COBLL1: variants seen among roughly 807,000 people sequenced by gnomAD.
COBLL1 encodes the protein cordon-bleu protein-like 1.
A neutral mutation model predicts 94.8 loss-of-function variants in COBLL1; 50 were observed. The ratio of observed to expected loss-of-function variants is 0.53; its 90% confidence interval spans 0.42 to 0.67. The LOEUF (loss-of-function observed/expected upper bound fraction) is 0.67, where lower values mean the gene tolerates loss of function less well. Ranked by LOEUF, COBLL1 falls within the 30% of genes least tolerant of loss-of-function variation. The probability of loss-of-function intolerance (pLI) is 0.00; values close to 1 mark genes in which losing one functional copy is unlikely to be tolerated. For synonymous variants in COBLL1, 448 were observed against 473.8 expected, an observed-to-expected ratio of 0.95 and a Z score of 0.71; for missense variants, 1,362 against 1,348.7, an observed-to-expected ratio of 1.01 and a Z score of -0.15.
At chr2:164,719,321 A>C (rs780483760) in intron 7 of COBLL1, among the ~76,000 whole-genome samples, 5 of 152,214 alleles carry the variant, frequency 3.3e-5, no homozygotes, top group Admixed American at 2.0e-4. Context: ...TTCAAATTGC[A>C]ACTGGAAGAA....
rs1340639247 is a variant in COBLL1 at position 164,729,923 on chromosome 2, T to C, written c.423A>G (p.Ile141Met). The change falls in exon 4 of 14, where the codon ATA (isoleucine) becomes ATG (methionine). Residue 141 changes from isoleucine to methionine, a missense_variant. Transcript: ENST00000652658. ...ATAATGGAATTCTTACCTCTGGTAT[T>C]ATAGGTGTAGGTTTTTTCTTATCCA... is the stretch of plus-strand genomic sequence containing the variant. Reference protein sequence around the residue: ...KMLDKKKPTPIIPEKTVRVVI... With the variant: ...KMLDKKKPTPMIPEKTVRVVI... 6.2e-7 allele frequency: 1 copy of C among 1,611,464 alleles called. No homozygotes were observed. Among genetic ancestry groups the C allele is most frequent in the Non-Finnish European group, 8.5e-7 (1 of 1,178,074 alleles).
chr2:164,818,257 C>CATATGTAT (rs1684899506), intron 2 of COBLL1, among the ~76,000 whole-genome samples: 1 of 107,776 alleles, frequency 9.3e-6, no homozygotes, highest in Admixed American at 9.6e-5. Context: ...TGTGCATATA[C>CATATGTAT]ACATATACAC....
At chr2:164,667,918 T>C (rs1220730723) in intron 1 of COBLL1, among the ~76,000 whole-genome samples, 1 of 152,146 alleles carries the variant, frequency 6.6e-6, no homozygotes, top group African/African-American at 2.4e-5. Flanking sequence ...AACTTGGCTG[T>C]TTGGTATAAT....
intron 2 of COBLL1, among the ~76,000 whole-genome samples, chr2:164,828,656 T>C (rs1685551565): frequency 6.6e-6 from 1 of 152,178 alleles, no homozygotes; most frequent in African/African-American, 2.4e-5. Flanking sequence ...CAGTAGCCAC[T>C]ACACACATCA....
chr2:164,779,784 G>A lies in COBLL1; in HGVS notation c.42-35909C>T, dbSNP rs192045366. On this transcript the variant is annotated intron_variant, in intron 2 of 13. Transcript: ENST00000652658. ...CATCAGCCTCTGTCCCAATAACTGA[G>A]CCTAGAGGGAAAGAGAAGACTTAAG... 6.9e-4 allele frequency: 322 copies of A among 469,440 alleles called. 2 individuals carry two copies. The highest frequency in any genetic ancestry group is 5.7e-3 in the Admixed American group (241 of 42,218). The allele number at this position is 469,440 out of a possible 1,614,324, so 29.1% of individuals were successfully genotyped here.
intron 8 of COBLL1, 42 bp downstream of exon 8, chr2:164,704,910 A>G (rs181076967): frequency 7.3e-6 from 11 of 1,504,416 alleles, no homozygotes; most frequent in Non-Finnish European, 8.9e-6. Flanking sequence ...ATATTAAACA[A>G]AACACAATAC....
rs571847547 is a variant in COBLL1, at chr2:164,706,226, T to C, written c.997-1121A>G. On this transcript the variant is annotated intron_variant, in intron 7 of 13. Coordinates refer to ENST00000652658, the MANE Select transcript of COBLL1 (RefSeq NM_001365672.2). ...CTCAGAACTCACTTATGAGACCTATTAGCAACATTAAACAAAGCTGACCAC... is the reference window on the plus strand; with the variant it reads ...CTCAGAACTCACTTATGAGACCTATCAGCAACATTAAACAAAGCTGACCAC... 2.3e-4 allele frequency among the ~76,000 whole-genome samples: 35 copies of C among 152,234 alleles called. 1 individual carries two copies. The South Asian group carries it at 5.2e-3, about 23-fold the overall frequency.
At position 164,692,929 on chromosome 2, in the gene COBLL1, T is replaced by C. The variant is rs144075988; in HGVS notation, c.3124-532A>G. 6.9e-3 allele frequency among the ~76,000 whole-genome samples: 1,058 copies of C among 152,268 alleles called. 12 individuals carry two copies. Among genetic ancestry groups the C allele is most frequent in the African/African-American group, 0.025 (1,022 of 41,558 alleles). Reference sequence around the variant, plus strand: ...TTATTTTGTGTTTCTGGAAGTCACATGGACTAAGTGCTAATCATGTTTTAT... The same window carrying C: ...TTATTTTGTGTTTCTGGAAGTCACACGGACTAAGTGCTAATCATGTTTTAT... On this transcript the variant is annotated intron_variant, in intron 12 of 13. Coordinates refer to ENST00000652658, the MANE Select transcript of COBLL1 (RefSeq NM_001365672.2).
intron 2 of COBLL1, among the ~76,000 whole-genome samples, chr2:164,811,723 A>G (rs953465170): frequency 7.9e-5 from 12 of 151,948 alleles, no homozygotes; most frequent in African/African-American, 2.9e-4. Context: ...AAAATGGAAC[A>G]GCCAAAAAAG....
chr2:164,821,963 A>T (rs1396434020), intron 2 of COBLL1, among the ~76,000 whole-genome samples: 1 of 152,238 alleles, frequency 6.6e-6, no homozygotes, highest in African/African-American at 2.4e-5. Context: ...AAACATTAAT[A>T]ACTTAGCTAC....
At chr2:164,818,778 A>T (rs1672546154) in intron 2 of COBLL1, among the ~76,000 whole-genome samples, 1 of 142,450 alleles carries the variant, frequency 7.0e-6, no homozygotes, top group Non-Finnish European at 1.5e-5. Context: ...ACATATATAT[A>T]TATACATATA....
At chr2:164,690,284 G>T (rs1302231954) in intron 13 of COBLL1, among the ~76,000 whole-genome samples, 1 of 152,014 alleles carries the variant, frequency 6.6e-6, no homozygotes, top group African/African-American at 2.4e-5. Context: ...TTATAGATGA[G>T]ATTTTTATTT....
intron 2 of COBLL1, among the ~76,000 whole-genome samples, chr2:164,776,676 A>T (rs995018744): frequency 1.3e-5 from 2 of 151,984 alleles, no homozygotes; most frequent in Admixed American, 6.6e-5. Context: ...TCTTCTCCTG[A>T]TGCCTATAAC....
chr2:164,798,139 T>C (rs1683566481), intron 2 of COBLL1, among the ~76,000 whole-genome samples: 1 of 152,236 alleles, frequency 6.6e-6, no homozygotes, highest in Non-Finnish European at 1.5e-5. Flanking sequence ...TGCAGAATTC[T>C]GGCTAGATAA....
chr2:164,692,154 C>T, intron 13 of COBLL1, 67 bp downstream of exon 13: 1 of 1,410,262 alleles, frequency 7.1e-7, no homozygotes, highest in Non-Finnish European at 9.4e-7. Context: ...AAAAATTTTT[C>T]CCTAAGTATT....
chr2:164,670,722 T>A (rs1691229353), intron 1 of COBLL1, among the ~76,000 whole-genome samples: 1 of 152,070 alleles, frequency 6.6e-6, no homozygotes, highest in Non-Finnish European at 1.5e-5. Context: ...CTGTGGGAAA[T>A]TTCCCCCCAC....
chr2:164,699,578 C>T, intron 10 of COBLL1, 79 bp from the exon 11 acceptor site: 2 of 772,700 alleles, frequency 2.6e-6, no homozygotes, highest in Non-Finnish European at 2.2e-6. Flanking sequence ...CACACACACA[C>T]ACAATGAGAA....
At chr2:164,716,007 T>C (rs1393021076) in intron 7 of COBLL1, among the ~76,000 whole-genome samples, 1 of 152,220 alleles carries the variant, frequency 6.6e-6, no homozygotes, top group African/African-American at 2.4e-5. Flanking sequence ...GATTACCAAA[T>C]ACTTTTCCCT....
intron 2 of COBLL1, among the ~76,000 whole-genome samples, chr2:164,771,163 T>C (rs2105249647): frequency 6.6e-6 from 1 of 152,166 alleles, no homozygotes; most frequent in Admixed American, 6.6e-5. Flanking sequence ...GAGATCATTG[T>C]TTATATTTAT....
Sources: gnomAD v4.1 joint callset for allele counts (sites outside exome capture counted in the v4.1 genomes callset) on GRCh38, gnomAD v4.1.1 for gene constraint, MANE v1.5 for transcripts, NCBI Gene and HGNC (gene_info 2026-07-23, HGNC 2026-07-21) for gene names.